GLS: variants seen among roughly 807,000 people sequenced by gnomAD.
The protein encoded by GLS is glutaminase kidney isoform, mitochondrial.
Under a neutral mutation model 86.7 loss-of-function variants are expected in GLS, and 36 were observed. The ratio of observed to expected loss-of-function variants is 0.42; its 90% CI spans 0.32 to 0.55. The LOEUF (loss-of-function observed/expected upper bound fraction) is 0.55. Among genes scored for constraint, GLS ranks in the 20% least tolerant of loss-of-function variants. GLS has a pLI of 0.17. For synonymous variants in GLS, 317 were observed against 305.9 expected (o/e 1.04, Z -0.38); for missense variants, 528 against 833.4 (o/e 0.63, Z 4.51).
chr2:190,941,052 T>C (rs1444333339), intron 14 of GLS, among the ~76,000 whole-genome samples: 3 of 152,188 alleles, frequency 2.0e-5, no homozygotes, highest in Admixed American at 2.0e-4. Flanking sequence ...GCATTATTCC[T>C]GTGCTTTATT....
Position 190,953,346 on chromosome 2 carries a change from C to G in GLS, c.1651-219C>G, listed in dbSNP as rs923435995. Among the ~76,000 whole-genome samples the G allele has an allele frequency of 2.0e-5, 3 of 152,098 alleles. No individual in the cohort carries two copies. In the East Asian group the frequency reaches 5.8e-4, roughly 29 times the overall value. On this transcript the variant is annotated intron_variant, in intron 14 of 17. Coordinates refer to ENST00000320717, the MANE Select transcript of GLS (RefSeq NM_014905.5). The surrounding 1 kb of genome is among the most constrained non-coding windows in gnomAD (Gnocchi z 4.0). ...TTATTCCATTCCTTCCCTTGTGTAT[C>G]TTATCTTTATTATTGAATTTTCCCT...
rs1553486820 is a variant in GLS at position 190,935,570 on chromosome 2, ATT to A, written c.1650+3939_1650+3940del. 6.6e-6 allele frequency among the ~76,000 whole-genome samples: 1 copy of A among 150,928 alleles called. No homozygotes were observed. Among genetic ancestry groups the A allele is most frequent in the Non-Finnish European group, 1.5e-5 (1 of 67,162 alleles). On this transcript the variant is annotated intron_variant, in intron 14 of 17. Coordinates refer to ENST00000320717, the MANE Select transcript of GLS (RefSeq NM_014905.5). The surrounding 1 kb of genome is among the most constrained non-coding windows in gnomAD (Gnocchi z 4.2). ...TATTTGAATAAAAACTTTTCTCTCA[ATT>A]TTTTTGGTGGTTTTTCCATTTGGTA...
intron 1 of GLS, among the ~76,000 whole-genome samples, chr2:190,884,723 T>C (rs973929221): frequency 2.6e-5 from 4 of 152,214 alleles, no homozygotes; most frequent in African/African-American, 9.6e-5. Context: ...GAAATTGGGC[T>C]GGAAAAATAC....
Position 190,924,896 on chromosome 2 carries a change from A to T in GLS, c.1248+303A>T. The T allele has an allele frequency of 4.1e-6, 1 of 243,396 alleles. No individual in the cohort carries two copies. The highest frequency in any genetic ancestry group is 7.2e-5 in the South Asian group (1 of 13,914). 15.1% of individuals were successfully genotyped at this position (243,396 alleles called of 1,614,324 possible). ...CGCCACTGCATTCCAGCCTGGCGAC[A>T]CAGTGAGACTCCGTCTCAAAATAAA... is the stretch of plus-strand genomic sequence containing the variant. On this transcript the variant is annotated intron_variant, in intron 11 of 17. Transcript: ENST00000320717. The surrounding 1 kb of genome is among the most constrained non-coding windows in gnomAD (Gnocchi z 5.2).
intron 6 of GLS, among the ~76,000 whole-genome samples, chr2:190,906,931 G>T (rs866592651): frequency 2.6e-4 from 37 of 140,036 alleles, no homozygotes; most frequent in African/African-American, 8.6e-4. Context: ...AATTGTAGTA[G>T]TTTTTTTTTT....
chr2:190,907,298 G>A (rs2355572), intron 6 of GLS, among the ~76,000 whole-genome samples: 138,314 of 149,882 alleles, frequency 0.92, 63,876 homozygotes, highest in Non-Finnish European at 0.94. Context: ...CTGGAGTGCA[G>A]TGGCGCAATC....
At chr2:190,881,570 T>A in intron 1 of GLS, 100 bp downstream of exon 1, 2 of 1,134,404 alleles carry the variant, frequency 1.8e-6, no homozygotes, top group South Asian at 1.5e-5. Context: ...GCCGAGGGTC[T>A]AGAAAAGAGA....
chr2:190,887,675 A>G (rs545230043), intron 1 of GLS, among the ~76,000 whole-genome samples: 63 of 152,268 alleles, frequency 4.1e-4, no homozygotes, highest in African/African-American at 1.4e-3. Flanking sequence ...CAAAGTATTC[A>G]TACCTTTTTA....
chr2:190,960,067 C>T (rs963499896), intron 17 of GLS, among the ~76,000 whole-genome samples: 2 of 151,074 alleles, frequency 1.3e-5, no homozygotes, highest in African/African-American at 2.5e-5. Context: ...TGCTATTCAT[C>T]CTGCAACAAA....
At chr2:190,900,397 G>A (rs1009463831) in intron 3 of GLS, among the ~76,000 whole-genome samples, 167 bp from the exon 4 acceptor site, 10 of 152,132 alleles carry the variant, frequency 6.6e-5, no homozygotes, top group Non-Finnish European at 1.5e-5. Flanking sequence ...CTACTTGAAA[G>A]ACTGCTAGAA....
chr2:190,942,568 A>C (rs1350461924), intron 14 of GLS, among the ~76,000 whole-genome samples: 1 of 152,164 alleles, frequency 6.6e-6, no homozygotes, highest in East Asian at 1.9e-4. Context: ...GCACTTGGTG[A>C]TCGTTTTTGG....
At position 190,880,854 on chromosome 2, in the gene GLS, GT is replaced by G; in HGVS notation, c.-230del. On this transcript the variant is annotated 5_prime_UTR_variant, in exon 1 of 18. Transcript: ENST00000320717. Reference sequence around the variant, plus strand: ...GCCTTAGGCGGAGCGAAGAGAACCGGTCGCGGCAATCCTAGCGCGCAGCAGC... The same window carrying G: ...GCCTTAGGCGGAGCGAAGAGAACCGGCGCGGCAATCCTAGCGCGCAGCAGC... 1.2e-6 allele frequency: 1 copy of G among 816,662 alleles called. No homozygotes were observed. Among genetic ancestry groups the G allele is most frequent in the Non-Finnish European group, 2.0e-6 (1 of 505,910 alleles). The allele number at this position is 816,662 out of a possible 1,614,324, so 50.6% of individuals were successfully genotyped here.
rs1372906532 is a variant in GLS at position 190,913,462 on chromosome 2, G to A, written c.1038+3141G>A. 1.1e-5 allele frequency: 10 copies of A among 922,622 alleles called. No individual in the cohort carries two copies. Among genetic ancestry groups the A allele is most frequent in the Non-Finnish European group, 7.9e-6 (6 of 756,790 alleles). The allele number at this position is 922,622 out of a possible 1,614,324, so 57.2% of individuals were successfully genotyped here. ...TTATACTTCCTCTCTTTTTCTCTGT[G>A]GTAGCTACTAACTTTAAAGGAATAC... On this transcript the variant is annotated intron_variant, in intron 7 of 17. Transcript: ENST00000320717. This position sits in a 1 kb window ranked among gnomAD's most constrained non-coding sequence, Gnocchi z 6.1.
intron 14 of GLS, among the ~76,000 whole-genome samples, chr2:190,945,284 C>T (rs1012777312): frequency 6.6e-6 from 1 of 151,962 alleles, no homozygotes; most frequent in Non-Finnish European, 1.5e-5. Context: ...AATTTTTTGT[C>T]TTCATAGGTT....
chr2:190,934,714 T>A, intron 14 of GLS: 1 of 975,508 alleles, frequency 1.0e-6, no homozygotes, highest in Middle Eastern at 5.3e-4. Flanking sequence ...CTGTATAGAT[T>A]TCAAAATTAG....
At chr2:190,959,293 T>G (rs1389343456) in intron 17 of GLS, among the ~76,000 whole-genome samples, 1 of 151,736 alleles carries the variant, frequency 6.6e-6, no homozygotes, top group Non-Finnish European at 1.5e-5. Context: ...TCCCCTATCC[T>G]TTTATTTTGA....
rs749848689 is a variant in GLS at position 190,916,011 on chromosome 2, CTT to C, written c.1039-5010_1039-5009del. 5.3e-5 allele frequency among the ~76,000 whole-genome samples: 8 copies of C among 152,262 alleles called. No individual in the cohort carries two copies. The East Asian group carries it at 7.7e-4, about 15-fold the overall frequency. On this transcript the variant is annotated intron_variant, in intron 7 of 17. Transcript: ENST00000320717. ...ACTGAGTAACATTGCTATAATAAAA[CTT>C]TTAAAATTTCAATCTACTTGTCTAT...
At chr2:190,952,403 T>C (rs1690738105) in intron 14 of GLS, among the ~76,000 whole-genome samples, 1 of 152,214 alleles carries the variant, frequency 6.6e-6, no homozygotes, top group Non-Finnish European at 1.5e-5. Context: ...AGAGGGGGAT[T>C]GAATATTTTA....
intron 9 of GLS, among the ~76,000 whole-genome samples, chr2:190,922,185 A>G (rs1035250060): frequency 2.6e-5 from 4 of 152,008 alleles, no homozygotes; most frequent in Non-Finnish European, 5.9e-5. Flanking sequence ...GGTGTGTTAT[A>G]AAAAACTTTA....
Sources: gnomAD v4.1 joint callset for allele counts (sites outside exome capture counted in the v4.1 genomes callset) on GRCh38, gnomAD v4.1.1 for gene constraint, Gnocchi (gnomAD v3.1) non-coding constraint, MANE v1.5 for transcripts, NCBI Gene and HGNC (gene_info 2026-07-23, HGNC 2026-07-21) for gene names.